CTBP1: variants seen among roughly 807,000 people sequenced by gnomAD.
The protein encoded by CTBP1 is C-terminal binding protein 1, also known as C-terminal-binding protein 1.
CTBP1 carries 11 observed loss-of-function variants against 42.1 expected under a neutral mutation model. The observed-to-expected ratio is 0.26, with a 90% confidence interval of 0.16 to 0.43. CTBP1 has a LOEUF of 0.43. CTBP1 is among the 20% of genes least tolerant of loss of function. The pLI is 1.00. For missense variants in CTBP1, 399 were observed against 624.3 expected, an observed-to-expected ratio of 0.64 and a Z score of 3.85; for synonymous variants, 324 against 277.1, an observed-to-expected ratio of 1.17 and a Z score of -1.68.
intron 4 of CTBP1, among the ~76,000 whole-genome samples, chr4:1,226,800 G>A (rs538144319): frequency 1.5e-3 from 223 of 151,680 alleles, no homozygotes; most frequent in African/African-American, 5.1e-3. Flanking sequence ...GGAGGAGGCT[G>A]GCACACAGGT....
At chr4:1,227,172 G>A (rs1730441877) in intron 4 of CTBP1, among the ~76,000 whole-genome samples, 1 of 152,074 alleles carries the variant, frequency 6.6e-6, no homozygotes, top group Non-Finnish European at 1.5e-5. Flanking sequence ...GCGTGTAGGT[G>A]CACGGGTGCA....
At chr4:1,216,341 A>G in intron 5 of CTBP1, 136 bp from the exon 6 acceptor site, 1 of 890,354 alleles carries the variant, frequency 1.1e-6, no homozygotes, top group Non-Finnish European at 1.7e-6. Context: ...TGGTCAAGCC[A>G]AGGTGCCCAC....
rs1173048046 is a variant in CTBP1 at position 1,228,450 on chromosome 4, C to A, written c.163-107G>T. 7 of 1,398,608 alleles carry A rather than the reference C, an allele frequency of 5.0e-6. No individual in the cohort carries two copies. The Admixed American group carries it at 1.3e-4, about 26-fold the overall frequency. 86.6% of individuals were successfully genotyped at this position (1,398,608 alleles called of 1,614,324 possible). On this transcript the variant is annotated intron_variant, in intron 3 of 9. Transcript: ENST00000382952. The stretch of plus-strand genomic sequence containing the variant: ...GGGAAATTAGCCTGTGGCCCTCAGG[C>A]TTGTTCCCCAAGCACCAGCCCGGAC...
At chr4:1,221,586 C>T (rs1345913982) in intron 5 of CTBP1, 2 of 189,730 alleles carry the variant, frequency 1.1e-5, no homozygotes, top group South Asian at 6.7e-5. Flanking sequence ...CGTATGAAAA[C>T]ACAGGTGAGA....
At chr4:1,248,417 G>C (rs868795303) in intron 1 of CTBP1, among the ~76,000 whole-genome samples, 1 of 150,656 alleles carries the variant, frequency 6.6e-6, no homozygotes, top group Non-Finnish European at 1.5e-5. Context: ...GTCGCCGGCG[G>C]CCTCCCCGCG....
At chr4:1,231,456 A>G (rs972924637) in intron 3 of CTBP1, among the ~76,000 whole-genome samples, 3 of 152,140 alleles carry the variant, frequency 2.0e-5, no homozygotes, top group African/African-American at 7.2e-5. Context: ...CAGTGCTCAG[A>G]GCAGGCTGGG....
At chr4:1,227,642 CTG>C (rs1259794689) in intron 4 of CTBP1, among the ~76,000 whole-genome samples, 12 of 127,346 alleles carry the variant, frequency 9.4e-5, no homozygotes, top group African/African-American at 3.6e-4. Context: ...CGTGTGCTAA[CTG>C]CATGTGCATG....
At chr4:1,245,098 T>C (rs546831227) in intron 1 of CTBP1, 1 of 983,866 alleles carries the variant, frequency 1.0e-6, no homozygotes, top group Non-Finnish European at 1.2e-6. Flanking sequence ...TTGAAACAGC[T>C]CCTCCGACGA....
rs371959866 is a variant in CTBP1 at position 1,214,317 on chromosome 4, G to C, written c.860+26C>G. Reference sequence around the variant, plus strand: ...CAGGATGGTGGACAGGGAAGAGCAGGGGGGCGGCACTGGCCGTGGGGGCAC... The same window carrying C: ...CAGGATGGTGGACAGGGAAGAGCAGCGGGGCGGCACTGGCCGTGGGGGCAC... On this transcript the variant is annotated intron_variant, in intron 7 of 9. Coordinates refer to ENST00000382952, the MANE Select transcript of CTBP1 (RefSeq NM_001012614.2). The C allele has an allele frequency of 3.0e-4, 457 of 1,528,370 alleles. 1 individual carries two copies. Among genetic ancestry groups the C allele is most frequent in the Non-Finnish European group, 3.9e-4 (443 of 1,146,168 alleles). 94.7% of individuals were successfully genotyped at this position (1,528,370 alleles called of 1,614,324 possible). A position where few individuals can be genotyped will look rare whatever the true frequency, so the allele number is the denominator to read the frequency against.
rs988540959 is a variant in CTBP1, at chr4:1,212,084, G to A, written c.*156C>T. On this transcript the variant is annotated 3_prime_UTR_variant, in exon 10 of 10. Coordinates refer to ENST00000382952, the MANE Select transcript of CTBP1 (RefSeq NM_001012614.2). ...GCCCACAGGACGGACGACGACAAGC[G>A]ACACGAGGCCCAGCGCTGCCCCCTC... 7.5e-6 allele frequency: 4 copies of A among 535,248 alleles called. No individual in the cohort carries two copies. Among genetic ancestry groups the A allele is most frequent in the East Asian group, 3.5e-5 (1 of 28,580 alleles). The allele number at this position is 535,248 out of a possible 1,614,324, so 33.2% of individuals were successfully genotyped here.
At chr4:1,223,755 T>A (rs1006144073) in intron 5 of CTBP1, among the ~76,000 whole-genome samples, 2 of 146,810 alleles carry the variant, frequency 1.4e-5, no homozygotes, top group East Asian at 4.3e-4. Context: ...GCCCCTCACC[T>A]GGCCTCTCCC....
At chr4:1,245,178 G>C in intron 1 of CTBP1, 1 of 985,460 alleles carries the variant, frequency 1.0e-6, no homozygotes, top group Non-Finnish European at 1.2e-6. Flanking sequence ...CAGCATCCCT[G>C]TGAGCCAGGG....
At chr4:1,221,701 A>G (rs1032958527) in intron 5 of CTBP1, 1 of 347,374 alleles carries the variant, frequency 2.9e-6, no homozygotes, top group Non-Finnish European at 5.8e-6. Flanking sequence ...AGGAAGCGGG[A>G]CCCGGGTCCT....
Position 1,249,005 on chromosome 4 carries a change from GCCGC to G in CTBP1, c.-282_-279del. ...CCCGACCACTCCGGCGCGCTGCGCC[GCCGC>G]GAGCCCGGCGCGTGGGGCGGCCTCG... On this transcript the variant is annotated 5_prime_UTR_variant, in exon 1 of 10. Transcript: ENST00000382952. 5.3e-6 allele frequency: 5 copies of G among 936,120 alleles called. No homozygotes were observed. Among genetic ancestry groups the G allele is most frequent in the Non-Finnish European group, 5.1e-6 (4 of 788,156 alleles). The allele number at this position is 936,120 out of a possible 1,614,324, so 58.0% of individuals were successfully genotyped here.
chr4:1,232,032 G>C lies in CTBP1; in HGVS notation c.163-3689C>G, dbSNP rs192629055. ...GGGATTTTTCTGTTTCTACTGATTG[G>C]GAGGAGTCTTTGAATATATAAACTT... On this transcript the variant is annotated intron_variant, in intron 3 of 9. Coordinates refer to ENST00000382952, the MANE Select transcript of CTBP1 (RefSeq NM_001012614.2). Among the ~76,000 whole-genome samples, 645 of 152,340 alleles carry C rather than the reference G, an allele frequency of 4.2e-3. 3 individuals are homozygous for C. Among genetic ancestry groups the C allele is most frequent in the African/African-American group, 0.014 (591 of 41,566 alleles).
intron 8 of CTBP1, 136 bp downstream of exon 8, chr4:1,213,342 T>G: frequency 7.2e-7 from 1 of 1,392,252 alleles, no homozygotes; most frequent in Non-Finnish European, 9.9e-7. Flanking sequence ...AGGTCCCTGC[T>G]GGGGGTGCAG....
intron 1 of CTBP1, chr4:1,244,855 C>T (rs888195640): frequency 5.1e-6 from 5 of 985,314 alleles, no homozygotes; most frequent in African/African-American, 3.5e-5. Flanking sequence ...TAGGGCCTGG[C>T]GGTGCTGCCC....
intron 5 of CTBP1, among the ~76,000 whole-genome samples, chr4:1,222,628 C>T (rs1405155025): frequency 6.6e-6 from 1 of 152,174 alleles, no homozygotes. Flanking sequence ...GGGGCCCTGG[C>T]AGGTGGGGTC....
chr4:1,225,079 G>A (rs574530183), intron 5 of CTBP1, among the ~76,000 whole-genome samples: 50 of 151,912 alleles, frequency 3.3e-4, no homozygotes, highest in Non-Finnish European at 5.0e-4. Context: ...TGAGACCCAC[G>A]TGCTGTGATG....
Sources: gnomAD v4.1 joint callset for allele counts (sites outside exome capture counted in the v4.1 genomes callset) on GRCh38, gnomAD v4.1.1 for gene constraint, MANE v1.5 for transcripts, NCBI Gene and HGNC (gene_info 2026-07-23, HGNC 2026-07-21) for gene names.